Variants in CACNB3 observed in about 807,000 individuals in gnomAD.
CACNB3 encodes the protein voltage-dependent L-type calcium channel subunit beta-3.
A neutral mutation model predicts 63.7 loss-of-function variants in CACNB3; 36 were observed. The ratio of observed to expected loss-of-function variants is 0.57; its 90% CI spans 0.43 to 0.75. The LOEUF (loss-of-function observed/expected upper bound fraction) is 0.75. Among genes scored for constraint, CACNB3 ranks in the 30% least tolerant of loss-of-function variants. CACNB3 has a pLI of 0.00. For missense variants in CACNB3, 493 were observed against 648.6 expected, an observed-to-expected ratio of 0.76 and a Z score of 2.61; for synonymous variants, 241 against 250.6, an observed-to-expected ratio of 0.96 and a Z score of 0.36.
At chr12:48,815,513 A>C, upstream of CACNB3, 1 of 1,415,322 alleles carries the variant, frequency 7.1e-7, no homozygotes, top group South Asian at 1.4e-5. Context: ...GGGAGGAGGG[A>C]GGAGAAAGAG....
chr12:48,817,045 T>G, upstream of CACNB3: 1 of 978,206 alleles, frequency 1.0e-6, no homozygotes, highest in Non-Finnish European at 1.2e-6. Flanking sequence ...TACAGAAGAA[T>G]CCAGTATATG....
Position 48,823,205 on chromosome 12 carries a change from A to G in CACNB3, c.46-139A>G. 1.9e-6 allele frequency: 2 copies of G among 1,040,578 alleles called. No individual in the cohort carries two copies. The highest frequency in any genetic ancestry group is 3.2e-5 in the South Asian group (2 of 62,140). The allele number at this position is 1,040,578 out of a possible 1,614,324, so 64.5% of individuals were successfully genotyped here. A position where few individuals can be genotyped will look rare whatever the true frequency, so the allele number is the denominator to read the frequency against. On this transcript the variant is annotated intron_variant, in intron 1 of 12. Coordinates refer to ENST00000301050, the MANE Select transcript of CACNB3 (RefSeq NM_000725.4). The surrounding 1 kb of genome is among the most constrained non-coding windows in gnomAD (Gnocchi z 4.2). ...ACTGGGGCCCTTCTCAGGGGATAGG[A>G]GGGGCCATAGGGACCCAGCTATCCC...
At chr12:48,815,753 CGTGGG>C, upstream of CACNB3, 2 of 537,492 alleles carry the variant, frequency 3.7e-6, no homozygotes, top group Non-Finnish European at 6.4e-6. Flanking sequence ...GGTGTGGGGT[CGTGGG>C]AAGGGGGTTC....
At chr12:48,815,591 G>A, upstream of CACNB3, 3 of 1,528,886 alleles carry the variant, frequency 2.0e-6, no homozygotes, top group Non-Finnish European at 2.6e-6. Flanking sequence ...GAGGCCAGGC[G>A]TGCAGGCGGG....
chr12:48,816,787 G>T, upstream of CACNB3: 1 of 950,998 alleles, frequency 1.1e-6, no homozygotes, highest in Non-Finnish European at 1.3e-6. Context: ...TCTGTGGGTG[G>T]AGAGAGTCCC....
In CACNB3 at chr12:48,823,529, C is replaced by G; in HGVS notation, c.168+63C>G. On this transcript the variant is annotated intron_variant, in intron 2 of 12. Coordinates refer to ENST00000301050, the MANE Select transcript of CACNB3 (RefSeq NM_000725.4). This position sits in a 1 kb window ranked among gnomAD's most constrained non-coding sequence, Gnocchi z 4.2. ...GCTAGGTGGAAACCTGCACTCGGTC[C>G]TAAGTCCCAAGGGGTCCTTGGGCAG... 6.2e-7 allele frequency: 1 copy of G among 1,601,328 alleles called. No individual in the cohort carries two copies. Among genetic ancestry groups the G allele is most frequent in the South Asian group, 1.1e-5 (1 of 88,760 alleles).
In CACNB3 at chr12:48,824,265, G is replaced by A; in HGVS notation, c.299G>A (p.Ser100Asn). The A allele has an allele frequency of 6.2e-7, 1 of 1,612,360 alleles. No individual in the cohort carries two copies. Among genetic ancestry groups the A allele is most frequent in the Non-Finnish European group, 8.5e-7 (1 of 1,179,354 alleles). Reference protein sequence around the residue: ...KDFLHIKEKYSNDWWIGRLVK... With the variant: ...KDFLHIKEKYNNDWWIGRLVK... The stretch of plus-strand genomic sequence containing the variant: ...TGCTCCACCTGCCCCCAGAAGTACA[G>A]CAATGACTGGTGGATCGGGCGGCTA... Residue 100 changes from serine (S) to asparagine (N), a missense_variant, in exon 4 of 13, where the codon AGC (serine) becomes AAC (asparagine). Physicochemically the swap from Ser to Asn is conservative, Grantham distance 46. Transcript: ENST00000301050.
chr12:48,816,773 A>G (rs1942297362), upstream of CACNB3: 1 of 870,648 alleles, frequency 1.1e-6, no homozygotes, highest in Non-Finnish European at 1.4e-6. Context: ...CAGCCCCAGG[A>G]CCTTCTGTGG....
chr12:48,818,559 G>A lies in CACNB3; in HGVS notation c.-371G>A, dbSNP rs1937645534. 8.5e-6 allele frequency: 9 copies of A among 1,057,124 alleles called. No individual in the cohort carries two copies. The highest frequency in any genetic ancestry group is 5.1e-5 in the African/African-American group (3 of 58,698). The allele number at this position is 1,057,124 out of a possible 1,614,324, so 65.5% of individuals were successfully genotyped here. A position where few individuals can be genotyped will look rare whatever the true frequency, so the allele number is the denominator to read the frequency against. On this transcript the variant is annotated 5_prime_UTR_variant, in exon 1 of 13. Transcript: ENST00000301050. This position sits in a 1 kb window ranked among gnomAD's most constrained non-coding sequence, Gnocchi z 4.3. ...GGGACCCACCTTCCACCTAGCACGG[G>A]TTCGTTCCCCTCTCCCGGCCTGGCC...
chr12:48,818,495 T>A (rs1937637957), upstream of CACNB3: 1 of 999,314 alleles, frequency 1.0e-6, no homozygotes, highest in Non-Finnish European at 1.2e-6. This position sits in a 1 kb window ranked among gnomAD's most constrained non-coding sequence, Gnocchi z 4.3. Flanking sequence ...CAGCCTCTCC[T>A]CCCCTTCCTC....
chr12:48,824,456 A>T (rs769228883), intron 4 of CACNB3, 83 bp downstream of exon 4: 2 of 1,204,488 alleles, frequency 1.7e-6, no homozygotes, highest in Non-Finnish European at 2.4e-6. Context: ...CATGCCATAC[A>T]CATGCATATC....
In CACNB3 at chr12:48,825,057, CAG is replaced by C; in HGVS notation, c.492+94_492+95del. 1.9e-6 allele frequency: 3 copies of C among 1,585,252 alleles called. No homozygotes were observed. The highest frequency in any genetic ancestry group is 2.6e-6 in the Non-Finnish European group (3 of 1,154,116). On this transcript the variant is annotated intron_variant, in intron 6 of 12. Coordinates refer to ENST00000301050, the MANE Select transcript of CACNB3 (RefSeq NM_000725.4). The surrounding 1 kb of genome is among the most constrained non-coding windows in gnomAD (Gnocchi z 4.5). The stretch of plus-strand genomic sequence containing the variant: ...AGGCAGTCATTGTTGGAGGGCAGAA[CAG>C]AGAGGGGAGGGAGCCCAGAACCTCT...
intron 4 of CACNB3, 47 bp from the exon 5 acceptor site, chr12:48,824,622 A>C: frequency 6.5e-7 from 1 of 1,532,726 alleles, no homozygotes; most frequent in Non-Finnish European, 9.0e-7. Flanking sequence ...ATACATACAC[A>C]GAGACACATT....
Position 48,818,800 on chromosome 12 carries a change from C to T in CACNB3, c.-130C>T, listed in dbSNP as rs1354262301. On this transcript the variant is annotated 5_prime_UTR_variant, in exon 1 of 13. Coordinates refer to ENST00000301050, the MANE Select transcript of CACNB3 (RefSeq NM_000725.4). The surrounding 1 kb of genome is among the most constrained non-coding windows in gnomAD (Gnocchi z 4.3). ...GCTCGCTCCCTCCTTCGCGCTCTCT[C>T]GCTCCCTGCCGCCGCCCGCAGGGCT... 2.2e-6 allele frequency: 3 copies of T among 1,366,582 alleles called. No homozygotes were observed. Among genetic ancestry groups the T allele is most frequent in the Admixed American group, 4.0e-5 (1 of 24,696 alleles). 84.7% of individuals were successfully genotyped at this position (1,366,582 alleles called of 1,614,324 possible).
chr12:48,818,149 C>T (rs148553830), upstream of CACNB3, among the ~76,000 whole-genome samples: 12 of 152,318 alleles, frequency 7.9e-5, no homozygotes, highest in East Asian at 2.1e-3. The surrounding 1 kb of genome is among the most constrained non-coding windows in gnomAD (Gnocchi z 4.3). Flanking sequence ...GGTTTGCTTT[C>T]GGAGCCTCCG....
Position 48,826,790 on chromosome 12 carries a change from A to T in CACNB3, c.926A>T (p.Lys309Met), listed in dbSNP as rs761881106. ...VLQRLIRSRG[K>M]SQMKHLTVQM... ...CAGCGTCTCATTCGCTCCCGGGGGA[A>T]GTCACAGATGAAGCACCTGACCGTA... The change falls in exon 11 of 13, where the codon AAG becomes ATG. Residue 309 changes from lysine (K) to methionine (M), a missense_variant. Transcript: ENST00000301050. This position sits in a 1 kb window ranked among gnomAD's most constrained non-coding sequence, Gnocchi z 4.8. 4 of 1,613,970 alleles carry T rather than the reference A, an allele frequency of 2.5e-6. No individual in the cohort carries two copies. The highest frequency in any genetic ancestry group is 3.4e-6 in the Non-Finnish European group (4 of 1,179,990).
Position 48,824,983 on chromosome 12 carries a change from G to A in CACNB3, c.492+15G>A. 1 of 1,612,050 alleles carries A rather than the reference G, an allele frequency of 6.2e-7. No individual in the cohort carries two copies. Among genetic ancestry groups the A allele is most frequent in the Non-Finnish European group, 8.5e-7 (1 of 1,179,572 alleles). ...AGCAAAAGCAGGTGAGTCAAGGAAG[G>A]GACCTGGGCTGGGGGGATCATGGCT... On this transcript the variant is annotated intron_variant, in intron 6 of 12. Coordinates refer to ENST00000301050, the MANE Select transcript of CACNB3 (RefSeq NM_000725.4).
chr12:48,822,666 G>A (rs1355039913), intron 1 of CACNB3, among the ~76,000 whole-genome samples: 1 of 152,188 alleles, frequency 6.6e-6, no homozygotes, highest in African/African-American at 2.4e-5. Context: ...AGTTGCCCCA[G>A]CAGGTGTGGA....
rs1029769663 is a variant in CACNB3, at chr12:48,826,717, G to C, written c.895-42G>C. 1.3e-5 allele frequency: 21 copies of C among 1,557,404 alleles called. No individual in the cohort carries two copies. The highest frequency in any genetic ancestry group is 1.9e-5 in the Non-Finnish European group (21 of 1,128,486). On this transcript the variant is annotated intron_variant, in intron 10 of 12. Coordinates refer to ENST00000301050, the MANE Select transcript of CACNB3 (RefSeq NM_000725.4). This position sits in a 1 kb window ranked among gnomAD's most constrained non-coding sequence, Gnocchi z 4.8. The stretch of plus-strand genomic sequence containing the variant: ...CTGCCCGGGCTCAGCTCTGCCCAGA[G>C]TCCTGAGAGACTCCAGGCCTAGCTC...
Sources: allele counts gnomAD v4.1 joint callset (sites outside exome capture counted in the v4.1 genomes callset), GRCh38; gene constraint gnomAD v4.1.1; non-coding constraint Gnocchi (gnomAD v3.1); transcripts MANE v1.5; gene names NCBI Gene and HGNC (gene_info 2026-07-23, HGNC 2026-07-21).